Variants in PREX1 observed in about 807,000 individuals in gnomAD.
PREX1 encodes phosphatidylinositol 3,4,5-trisphosphate-dependent Rac exchanger 1 protein.
Under a neutral mutation model 198.3 loss-of-function variants are expected in PREX1, and 41 were observed. The observed-to-expected ratio is 0.21, with a 90% CI of 0.16 to 0.27. The LOEUF (loss-of-function observed/expected upper bound fraction) is 0.27. Ranked by LOEUF, PREX1 falls within the 10% of genes least tolerant of loss-of-function variation. The pLI, the probability that PREX1 is intolerant of heterozygous loss-of-function variation, is 1.00. For missense variants in PREX1, 1,620 were observed against 2,200.7 expected (o/e 0.74, Z 5.28); for synonymous variants, 843 against 887.2 (o/e 0.95, Z 0.89).
intron 1 of PREX1, among the ~76,000 whole-genome samples, chr20:48,820,758 T>C (rs1054055461): frequency 6.6e-6 from 1 of 152,202 alleles, no homozygotes; most frequent in Admixed American, 6.5e-5. Context: ...CCAGCGATGC[T>C]GCTAAACATC....
At chr20:48,703,722 G>A (rs2089887607) in intron 6 of PREX1, among the ~76,000 whole-genome samples, 1 of 152,188 alleles carries the variant, frequency 6.6e-6, no homozygotes, top group African/African-American at 2.4e-5. Flanking sequence ...GGGGACCTAG[G>A]AGAGGAAGTC....
intron 23 of PREX1, 75 bp from the exon 24 acceptor site, chr20:48,650,281 C>T: frequency 1.4e-6 from 2 of 1,430,980 alleles, no homozygotes; most frequent in Non-Finnish European, 1.9e-6. Context: ...CCAGTACCCA[C>T]TTTATCCTGG....
intron 1 of PREX1, among the ~76,000 whole-genome samples, chr20:48,807,097 A>G (rs1224243094): frequency 6.6e-6 from 1 of 152,222 alleles, no homozygotes; most frequent in Non-Finnish European, 1.5e-5. Flanking sequence ...TCTTTTTTAA[A>G]TTATTGTTAG....
At chr20:48,805,114 C>T (rs570472437) in intron 1 of PREX1, among the ~76,000 whole-genome samples, 48 of 152,318 alleles carry the variant, frequency 3.2e-4, no homozygotes, top group African/African-American at 1.1e-3. Flanking sequence ...TCCTTACCAC[C>T]GGGCTGCCAG....
intron 15 of PREX1, among the ~76,000 whole-genome samples, chr20:48,665,296 A>T (rs1479696690): frequency 6.9e-6 from 1 of 145,984 alleles, no homozygotes; most frequent in Non-Finnish European, 1.5e-5. Flanking sequence ...CCGGCTCCAG[A>T]CGGCCTGAAT....
At chr20:48,804,119 T>C (rs771245161) in intron 1 of PREX1, among the ~76,000 whole-genome samples, 4 of 152,212 alleles carry the variant, frequency 2.6e-5, no homozygotes, top group Non-Finnish European at 5.9e-5. Context: ...GGATATAATA[T>C]AATCTTCAGG....
Position 48,688,681 on chromosome 20 carries a change from G to A in PREX1, c.1310C>T (p.Thr437Ile), listed in dbSNP as rs201395339. ...LIKDRRRKLSTVPKCFLGNEF... is the reference protein window; with the variant it reads ...LIKDRRRKLSIVPKCFLGNEF... ...CTTGCCAAGAAAGCACTTGGGGACA[G>A]TGCTCAGCTTTCTCCGGCGGTCCTT... The change falls in exon 10 of 40, where the codon ACT (threonine) becomes ATT (isoleucine). Residue 437 changes from threonine to isoleucine, a missense_variant. Coordinates refer to ENST00000371941, the MANE Select transcript of PREX1 (RefSeq NM_020820.4). The A allele has an allele frequency of 6.2e-7, 1 of 1,614,170 alleles. No homozygotes were observed. The highest frequency in any genetic ancestry group is 8.5e-7 in the Non-Finnish European group (1 of 1,180,024).
chr20:48,731,743 G>A (rs929285721), intron 4 of PREX1, among the ~76,000 whole-genome samples: 5 of 152,244 alleles, frequency 3.3e-5, no homozygotes, highest in Non-Finnish European at 7.3e-5. Flanking sequence ...GAGGGAGACA[G>A]ATGGCACATG....
chr20:48,652,913 G>A (rs956454867), intron 20 of PREX1, among the ~76,000 whole-genome samples: 3 of 152,274 alleles, frequency 2.0e-5, no homozygotes, highest in Admixed American at 6.5e-5. Context: ...GTGCAGACAC[G>A]TCTCTCCTGT....
intron 29 of PREX1, 49 bp downstream of exon 29, chr20:48,642,119 A>G (rs2089418393): frequency 1.3e-6 from 2 of 1,582,096 alleles, no homozygotes; most frequent in South Asian, 2.2e-5. Context: ...GCCCTGTCTA[A>G]CACCCTTCCC....
At chr20:48,634,112 C>CTGGA (rs1211860359) in intron 33 of PREX1, among the ~76,000 whole-genome samples, 1 of 107,164 alleles carries the variant, frequency 9.3e-6, no homozygotes, top group East Asian at 2.9e-4. Flanking sequence ...GCATGGATGC[C>CTGGA]TGGATGGATG....
chr20:48,768,559 C>A (rs1034050546), intron 1 of PREX1, among the ~76,000 whole-genome samples: 1 of 152,128 alleles, frequency 6.6e-6, no homozygotes, highest in African/African-American at 2.4e-5. Context: ...CTTTGGGAGG[C>A]AGAGGCGGCC....
At chr20:48,659,642 G>A (rs1444306768) in intron 16 of PREX1, among the ~76,000 whole-genome samples, 1 of 151,916 alleles carries the variant, frequency 6.6e-6, no homozygotes, top group Non-Finnish European at 1.5e-5. Context: ...GTTGCTTCAG[G>A]AGGCCAACCT....
chr20:48,704,034 C>T (rs974508291), intron 6 of PREX1, among the ~76,000 whole-genome samples: 2 of 152,204 alleles, frequency 1.3e-5, no homozygotes, highest in African/African-American at 4.8e-5. Context: ...CACTCAAAGC[C>T]AATACATGCG....
intron 2 of PREX1, among the ~76,000 whole-genome samples, chr20:48,746,004 T>A (rs975781641): frequency 3.3e-5 from 5 of 152,222 alleles, no homozygotes; most frequent in South Asian, 2.1e-4. Context: ...TTGTATTTTT[T>A]AAATTATTAT....
the PREX1 span, among the ~76,000 whole-genome samples, chr20:48,884,340 T>C: frequency 1.3e-5 from 2 of 152,186 alleles, no homozygotes; most frequent in Non-Finnish European, 2.9e-5. Flanking sequence ...GATAGACAGA[T>C]AAGTCAATGG....
At chr20:48,727,647 C>G (rs1344665974) in intron 4 of PREX1, among the ~76,000 whole-genome samples, 1 of 152,072 alleles carries the variant, frequency 6.6e-6, no homozygotes, top group Non-Finnish European at 1.5e-5. Flanking sequence ...AAGACCATCC[C>G]AGAAAAGTGA....
chr20:48,887,196 C>G, the PREX1 span, among the ~76,000 whole-genome samples: 16 of 152,320 alleles, frequency 1.1e-4, no homozygotes, highest in East Asian at 1.9e-3. Context: ...CAAGTTAATA[C>G]ATACCTCCGT....
intron 5 of PREX1, among the ~76,000 whole-genome samples, chr20:48,717,239 AG>A (rs148338174): frequency 0.067 from 10,236 of 152,146 alleles, 400 homozygotes; most frequent in South Asian, 0.14. Flanking sequence ...AAAAGGCAGG[AG>A]GGTGGTGTCA....
Sources: gnomAD v4.1 joint callset for allele counts (sites outside exome capture counted in the v4.1 genomes callset) on GRCh38, gnomAD v4.1.1 for gene constraint, MANE v1.5 for transcripts, NCBI Gene and HGNC (gene_info 2026-07-23, HGNC 2026-07-21) for gene names.